The following ATP8A2 variants were observed in gnomAD, a reference collection of about 807,000 sequenced individuals.
ATP8A2 encodes the protein ATPase phospholipid transporting 8A2.
A neutral mutation model predicts 165.6 loss-of-function variants in ATP8A2; 100 were observed. The observed-to-expected ratio is 0.60, with a 90% CI of 0.51 to 0.71. The LOEUF (loss-of-function observed/expected upper bound fraction) is 0.71, where lower values mean the gene tolerates loss of function less well. Ranked by LOEUF, ATP8A2 falls within the 30% of genes least tolerant of loss-of-function variation. The probability of loss-of-function intolerance (pLI) is 0.00; values close to 1 mark genes in which losing one functional copy is unlikely to be tolerated. For synonymous variants in ATP8A2, 543 were observed against 548.8 expected (o/e 0.99, Z 0.15); for missense variants, 1,227 against 1,479.5 (o/e 0.83, Z 2.80).
intron 33 of ATP8A2, among the ~76,000 whole-genome samples, chr13:25,927,765 T>A (rs1954653308): frequency 6.6e-6 from 1 of 152,264 alleles, no homozygotes; most frequent in East Asian, 1.9e-4. Flanking sequence ...TTCACTCATA[T>A]AACAAGGTGT....
chr13:25,453,679 C>T (rs1261025463), intron 1 of ATP8A2, among the ~76,000 whole-genome samples: 2 of 152,148 alleles, frequency 1.3e-5, no homozygotes, highest in East Asian at 1.9e-4. Context: ...TAAATATGTG[C>T]TTTGCTTCTA....
intron 33 of ATP8A2, among the ~76,000 whole-genome samples, chr13:25,957,383 A>T (rs1250357142): frequency 6.6e-6 from 1 of 152,230 alleles, no homozygotes; most frequent in Non-Finnish European, 1.5e-5. Context: ...AAGGACCAAT[A>T]TCCAGTATCT....
chr13:25,898,793 A>G (rs1380337673), intron 33 of ATP8A2, among the ~76,000 whole-genome samples: 1 of 152,186 alleles, frequency 6.6e-6, no homozygotes, highest in African/African-American at 2.4e-5. Flanking sequence ...TGTACTAGCA[A>G]TGAACGAGGC....
chr13:25,821,811 C>G (rs141218478), intron 27 of ATP8A2, among the ~76,000 whole-genome samples: 1 of 152,146 alleles, frequency 6.6e-6, no homozygotes, highest in Non-Finnish European at 1.5e-5. Context: ...GGCTCCTCCC[C>G]CAAGGTGTGA....
chr13:25,597,603 C>A (rs2040269818), intron 24 of ATP8A2, among the ~76,000 whole-genome samples: 1 of 152,122 alleles, frequency 6.6e-6, no homozygotes, highest in Admixed American at 6.6e-5. Flanking sequence ...ATGAATCCTG[C>A]CAACAACCTG....
chr13:25,379,763 C>T (rs749262429), intron 1 of ATP8A2, among the ~76,000 whole-genome samples: 1 of 152,174 alleles, frequency 6.6e-6, no homozygotes, highest in Admixed American at 6.5e-5. Flanking sequence ...GTTTCTGCTA[C>T]GTCCCCTGCC....
At chr13:25,795,160 G>A (rs1950474542) in intron 27 of ATP8A2, among the ~76,000 whole-genome samples, 1 of 152,172 alleles carries the variant, frequency 6.6e-6, no homozygotes, top group African/African-American at 2.4e-5. Flanking sequence ...AATAGTAGCA[G>A]GGAATTTTCT....
At chr13:25,771,293 A>G (rs1013845737) in intron 26 of ATP8A2, among the ~76,000 whole-genome samples, 1 of 152,206 alleles carries the variant, frequency 6.6e-6, no homozygotes, top group African/African-American at 2.4e-5. Flanking sequence ...GGCCGGCCCC[A>G]CGCACACCTG....
intron 33 of ATP8A2, among the ~76,000 whole-genome samples, chr13:25,896,516 T>C (rs1953553535): frequency 6.6e-6 from 1 of 152,206 alleles, no homozygotes; most frequent in Admixed American, 6.5e-5. Context: ...TCTGTTGATT[T>C]GGGGTGGAGA....
At chr13:25,626,719 C>T (rs552978094) in intron 24 of ATP8A2, among the ~76,000 whole-genome samples, 101 of 151,956 alleles carry the variant, frequency 6.6e-4, no homozygotes, top group African/African-American at 2.2e-3. Context: ...TTTCACACCG[C>T]GGATAAAGAC....
chr13:25,698,088 C>G (rs540763502), intron 24 of ATP8A2, among the ~76,000 whole-genome samples: 165 of 152,244 alleles, frequency 1.1e-3, no homozygotes, highest in Non-Finnish European at 2.0e-3. Context: ...GTCTTCCAGA[C>G]AGAATAATTT....
In ATP8A2 at chr13:25,849,820, A is replaced by G. The variant is rs551290821; in HGVS notation, c.2956+10196A>G. 3.9e-5 allele frequency among the ~76,000 whole-genome samples: 6 copies of G among 152,334 alleles called. No individual in the cohort carries two copies. In the South Asian group the frequency reaches 6.2e-4, roughly 16 times the overall value. ...AGGGGATCCTGGAGCCACACATAACACTGAATTGTCTCTAAGAGAGCATCT... is the reference window on the plus strand; with the variant it reads ...AGGGGATCCTGGAGCCACACATAACGCTGAATTGTCTCTAAGAGAGCATCT... On this transcript the variant is annotated intron_variant, in intron 30 of 36. Transcript: ENST00000381655.
chr13:25,386,259 G>T (rs1181104125), intron 1 of ATP8A2, among the ~76,000 whole-genome samples: 2 of 152,120 alleles, frequency 1.3e-5, no homozygotes, highest in African/African-American at 4.8e-5. Flanking sequence ...GCTCACATCG[G>T]TGAGTGCATG....
At chr13:25,896,503 T>C (rs1433435605) in intron 33 of ATP8A2, among the ~76,000 whole-genome samples, 1 of 149,224 alleles carries the variant, frequency 6.7e-6, no homozygotes, top group Non-Finnish European at 1.5e-5. Flanking sequence ...GAATAACGTA[T>C]ATTCTGTTGA....
chr13:25,384,457 G>A (rs1240076994), intron 1 of ATP8A2, among the ~76,000 whole-genome samples: 1 of 152,102 alleles, frequency 6.6e-6, no homozygotes, highest in East Asian at 1.9e-4. Context: ...GACTGCTCTT[G>A]CCACTTCTGT....
In ATP8A2 at chr13:26,022,871, G is replaced by A. The variant is rs1957102804; in HGVS notation, c.*2886G>A. 1 of 152,256 alleles carries A rather than the reference G, an allele frequency of 6.6e-6. No homozygotes were observed. Among genetic ancestry groups the A allele is most frequent in the Non-Finnish European group, 1.5e-5 (1 of 68,076 alleles). 9.4% of individuals were successfully genotyped at this position (152,256 alleles called of 1,614,324 possible). On this transcript the variant is annotated 3_prime_UTR_variant, in exon 37 of 37. Coordinates refer to ENST00000381655, the MANE Select transcript of ATP8A2 (RefSeq NM_016529.6). Reference sequence around the variant, plus strand: ...ACGCTCGGTTAGCGCTCCAGGGCCTGACTCTGGATTGAGCTAAACTGGCAG... The same window carrying A: ...ACGCTCGGTTAGCGCTCCAGGGCCTAACTCTGGATTGAGCTAAACTGGCAG...
chr13:25,996,201 C>T lies in ATP8A2; in HGVS notation c.3378-16330C>T, dbSNP rs74039975. ...CTTCTAAAAGGCAGTATGTAATTGG[C>T]TCATGTTTTTAAATTCACCATGTCA... On this transcript the variant is annotated intron_variant, in intron 35 of 36. Transcript: ENST00000381655. Among the ~76,000 whole-genome samples, 964 of 152,232 alleles carry T rather than the reference C, an allele frequency of 6.3e-3. 6 individuals carry two copies. Among genetic ancestry groups the T allele is most frequent in the Middle Eastern group, 0.037 (11 of 294 alleles).
chr13:25,783,589 G>A (rs995911294), intron 27 of ATP8A2, among the ~76,000 whole-genome samples: 1 of 152,128 alleles, frequency 6.6e-6, no homozygotes, highest in Non-Finnish European at 1.5e-5. Context: ...GTTAGAAGTG[G>A]TGCTTTACAG....
rs1417349789 is a variant in ATP8A2 at position 25,561,932 on chromosome 13, TG to T, written c.1398-2023del. On this transcript the variant is annotated intron_variant, in intron 15 of 36. Transcript: ENST00000381655. ...GCATGTCTTCAGGGTTCATCCATGT[TG>T]TAGAATGTGCCAGAATCTTCTCCCT... Among the ~76,000 whole-genome samples the T allele has an allele frequency of 3.3e-5, 5 of 152,342 alleles. No individual in the cohort carries two copies. In the East Asian group the frequency reaches 9.6e-4, roughly 29 times the overall value.
Sources: allele counts gnomAD v4.1 joint callset (sites outside exome capture counted in the v4.1 genomes callset), GRCh38; gene constraint gnomAD v4.1.1; transcripts MANE v1.5; gene names NCBI Gene and HGNC (gene_info 2026-07-23, HGNC 2026-07-21).